TRPA1: variants seen among roughly 807,000 people sequenced by gnomAD.
TRPA1 encodes transient receptor potential cation channel subfamily A member 1.
TRPA1 carries 129 observed loss-of-function variants against 131.3 expected under a neutral mutation model. The ratio of observed to expected loss-of-function variants is 0.98; its 90% confidence interval spans 0.85 to 1.14. The LOEUF (loss-of-function observed/expected upper bound fraction) is 1.14. Ranked by LOEUF, TRPA1 falls within the 50% of genes most tolerant of loss-of-function variation. TRPA1 has a pLI of 0.00. For synonymous variants in TRPA1, 441 were observed against 451.7 expected (o/e 0.98, Z 0.30); for missense variants, 1,304 against 1,354.2 (o/e 0.96, Z 0.58).
Position 72,024,361 on chromosome 8 carries a change from G to T in TRPA1, c.3052-450C>A, listed in dbSNP as rs186856336. Among the ~76,000 whole-genome samples, 508 of 152,300 alleles carry T rather than the reference G, an allele frequency of 3.3e-3. 5 individuals carry two copies. The highest frequency in any genetic ancestry group is 0.012 in the African/African-American group (492 of 41,572). ...TTTTAACACATTTCATTTTAATTTA[G>T]TATCTTTTAAACCATAGGTTGACTG... On this transcript the variant is annotated intron_variant, in intron 25 of 26. Coordinates refer to ENST00000262209, the MANE Select transcript of TRPA1 (RefSeq NM_007332.3).
At chr8:72,056,228 A>G in intron 10 of TRPA1, 2 of 299,680 alleles carry the variant, frequency 6.7e-6, no homozygotes, top group South Asian at 7.4e-5. Flanking sequence ...CTTCATGTTA[A>G]TATGTTCTGT....
At position 72,055,826 on chromosome 8, in the gene TRPA1, A is replaced by C; in HGVS notation, c.1224T>G (p.Asp408Glu). 1 of 1,613,328 alleles carries C rather than the reference A, an allele frequency of 6.2e-7. No homozygotes were observed. Among genetic ancestry groups the C allele is most frequent in the Non-Finnish European group, 8.5e-7 (1 of 1,179,624 alleles). ...GAGGAGTACACCCATCGTTGTCTTC[A>C]TCCATTACCAGCTCTTTGATCTGTT... ...QMQQIKELVMDEDNDGCTPLH... is the reference protein window; with the variant it reads ...QMQQIKELVMEEDNDGCTPLH... Residue 408 changes from aspartate (D) to glutamate (E), a missense_variant, in exon 11 of 27, where the codon GAT (aspartate) becomes GAG (glutamate). Physicochemically the swap from Asp to Glu is conservative, Grantham distance 45 (BLOSUM62 2). Transcript: ENST00000262209.
intron 3 of TRPA1, among the ~76,000 whole-genome samples, chr8:72,068,192 T>C (rs894709545): frequency 2.0e-5 from 3 of 152,240 alleles, no homozygotes; most frequent in Non-Finnish European, 4.4e-5. Flanking sequence ...CTGAAACTCA[T>C]GGAACTCTTT....
intron 8 of TRPA1, among the ~76,000 whole-genome samples, chr8:72,058,419 G>T (rs1805726824): frequency 6.6e-6 from 1 of 152,062 alleles, no homozygotes; most frequent in Non-Finnish European, 1.5e-5. Flanking sequence ...TATTTGATAT[G>T]ACAAGAAATC....
At position 72,075,527 on chromosome 8, in the gene TRPA1, C is replaced by T. The variant is rs1235450993; in HGVS notation, c.-118G>A. ...GTCCGCGCGAGCCCGAGCTCTCCCG[C>T]GCTGCAGCTCACAGGCAGCGAAAAA... On this transcript the variant is annotated 5_prime_UTR_variant, in exon 1 of 27. Transcript: ENST00000262209. The T allele has an allele frequency of 3.6e-6, 3 of 830,064 alleles. No homozygotes were observed. The highest frequency in any genetic ancestry group is 6.1e-6 in the Non-Finnish European group (3 of 493,834). 51.4% of individuals were successfully genotyped at this position (830,064 alleles called of 1,614,324 possible). A position where few individuals can be genotyped will look rare whatever the true frequency, so the allele number is the denominator to read the frequency against.
chr8:72,051,441 C>T (rs192746482), intron 14 of TRPA1, among the ~76,000 whole-genome samples: 91 of 152,182 alleles, frequency 6.0e-4, no homozygotes, highest in East Asian at 3.9e-4. Flanking sequence ...CAAGGAGGAA[C>T]TAAATCTATG....
At chr8:72,074,230 A>G (rs1308558111) in intron 1 of TRPA1, among the ~76,000 whole-genome samples, 2 of 152,258 alleles carry the variant, frequency 1.3e-5, no homozygotes, top group African/African-American at 2.4e-5. Context: ...AGTGTCCATC[A>G]GTGCAACACT....
chr8:72,023,618 C>T (rs1811475774), intron 26 of TRPA1, 196 bp downstream of exon 26: 3 of 512,338 alleles, frequency 5.9e-6, no homozygotes, highest in African/African-American at 3.9e-5. Flanking sequence ...GGAAGGCAAA[C>T]TGATTGGTGA....
At position 72,036,584 on chromosome 8, in the gene TRPA1, G is replaced by C. The variant is rs1317059593; in HGVS notation, c.2386-127C>G. On this transcript the variant is annotated intron_variant, in intron 20 of 26. Transcript: ENST00000262209. ...CAGCTGGGGAGAAGTTTAGGACCAA[G>C]GAGTAACCTCACGCCATCCTGGATT... 1.1e-5 allele frequency: 9 copies of C among 843,164 alleles called. No homozygotes were observed. In the East Asian group the frequency reaches 2.1e-4, roughly 20 times the overall value. The allele number at this position is 843,164 out of a possible 1,614,324, so 52.2% of individuals were successfully genotyped here. A position where few individuals can be genotyped will look rare whatever the true frequency, so the allele number is the denominator to read the frequency against.
At position 72,026,097 on chromosome 8, in the gene TRPA1, G is replaced by A. The variant is rs2305017; in HGVS notation, c.2938-24C>T. On this transcript the variant is annotated intron_variant, in intron 24 of 26. Coordinates refer to ENST00000262209, the MANE Select transcript of TRPA1 (RefSeq NM_007332.3). ...ACCTAAAGTGCATTTTGGATTTATT[G>A]ATAGAATCATTAGTTAGTATATGGA... The A allele has an allele frequency of 2.5e-6, 4 of 1,577,248 alleles. No homozygotes were observed. The Admixed American group carries it at 6.7e-5, about 26-fold the overall frequency.
the TRPA1 span, among the ~76,000 whole-genome samples, chr8:72,084,059 T>G: frequency 6.6e-6 from 1 of 152,202 alleles, no homozygotes; most frequent in East Asian, 1.9e-4. Flanking sequence ...TATCTGCTTC[T>G]CATTCTTACA....
Position 72,033,783 on chromosome 8 carries a change from C to T in TRPA1, c.2729G>A (p.Ser910Asn), listed in dbSNP as rs780522671. ...ATAATTGATATCTCCTAGCATCATG[C>T]TGAAGGTCTGGATTATAGAAAGCAA... ...SPLLSIIQTF[S>N]MMLGDINYRE... Residue 910 changes from serine to asparagine, a missense_variant, in exon 23 of 27, where the codon AGC (serine) becomes AAC (asparagine). By Grantham distance (46) the Ser-to-Asn change is conservative. Coordinates refer to ENST00000262209, the MANE Select transcript of TRPA1 (RefSeq NM_007332.3). 5.6e-6 allele frequency: 9 copies of T among 1,614,016 alleles called. No individual in the cohort carries two copies. The highest frequency in any genetic ancestry group is 3.3e-4 in the Middle Eastern group (2 of 6,060).
the TRPA1 span, among the ~76,000 whole-genome samples, chr8:72,085,347 T>C: frequency 6.6e-6 from 1 of 152,192 alleles, no homozygotes; most frequent in East Asian, 1.9e-4. Flanking sequence ...TGCAAACATG[T>C]ATAGTAAGGG....
chr8:72,082,178 A>T, the TRPA1 span, among the ~76,000 whole-genome samples: 1 of 151,880 alleles, frequency 6.6e-6, no homozygotes, highest in Non-Finnish European at 1.5e-5. Flanking sequence ...TTCATCTTTA[A>T]CTTATTACAG....
rs202132387 is a variant in TRPA1 at position 72,030,611 on chromosome 8, G to GT, written c.2869-643dup. On this transcript the variant is annotated intron_variant, in intron 23 of 26. Transcript: ENST00000262209. ...TTCATTTCATTTAAGATAAAAATCT[G>GT]TTTTTTTTAAATGAGAGGGATGATG... is the stretch of plus-strand genomic sequence containing the variant. Among the ~76,000 whole-genome samples, 583 of 151,958 alleles carry GT rather than the reference G, an allele frequency of 3.8e-3. 5 individuals are homozygous for GT. The highest frequency in any genetic ancestry group is 0.013 in the African/African-American group (535 of 41,426).
chr8:72,075,199 C>T, intron 1 of TRPA1, 100 bp downstream of exon 1: 4 of 921,230 alleles, frequency 4.3e-6, no homozygotes, highest in Non-Finnish European at 7.1e-6. Flanking sequence ...GCTTGCAACC[C>T]CCACGCTTTC....
the TRPA1 span, among the ~76,000 whole-genome samples, chr8:72,087,134 T>A: frequency 6.6e-6 from 1 of 152,192 alleles, no homozygotes; most frequent in East Asian, 1.9e-4. Context: ...GTATGGTGAC[T>A]GAATTTTCTA....
chr8:72,065,365 A>T, intron 4 of TRPA1, 86 bp downstream of exon 4: 1 of 1,229,094 alleles, frequency 8.1e-7, no homozygotes, highest in Non-Finnish European at 1.1e-6. Flanking sequence ...AAGGAGAAAA[A>T]CTTAAGAGAT....
At chr8:72,052,994 T>TGTGTGA (rs1491537785) in intron 13 of TRPA1, 1 of 330,378 alleles carries the variant, frequency 3.0e-6, no homozygotes, top group African/African-American at 2.7e-5. Context: ...TGTGTGTGTG[T>TGTGTGA]GAGAGATAGA....
Sources: allele counts gnomAD v4.1 joint callset (sites outside exome capture counted in the v4.1 genomes callset), GRCh38; gene constraint gnomAD v4.1.1; transcripts MANE v1.5; gene names NCBI Gene and HGNC (gene_info 2026-07-23, HGNC 2026-07-21).